Variants in LPP observed in about 807,000 individuals in gnomAD.
LPP encodes the protein lipoma-preferred partner.
LPP carries 38 observed loss-of-function variants against 60.4 expected under a neutral mutation model. The ratio of observed to expected loss-of-function variants is 0.63; its 90% CI spans 0.49 to 0.83. The LOEUF (loss-of-function observed/expected upper bound fraction) is 0.83. Among genes scored for constraint, LPP ranks in the 40% least tolerant of loss-of-function variants. The pLI is 0.00. For synonymous variants in LPP, 328 were observed against 290.8 expected, an observed-to-expected ratio of 1.13 and a Z score of -1.30; for missense variants, 902 against 783.6, an observed-to-expected ratio of 1.15 and a Z score of -1.80.
At chr3:188,241,983 G>A (rs1398325341) in intron 2 of LPP, among the ~76,000 whole-genome samples, 4 of 152,124 alleles carry the variant, frequency 2.6e-5, no homozygotes, top group African/African-American at 9.7e-5. Flanking sequence ...TGATTCTGAC[G>A]CTGTATGTCC....
chr3:188,860,581 G>T (rs1015554784), intron 9 of LPP, among the ~76,000 whole-genome samples: 3 of 151,950 alleles, frequency 2.0e-5, no homozygotes, highest in African/African-American at 7.3e-5. Context: ...GAAACACACT[G>T]TGTGTTAACC....
At chr3:188,483,752 C>T (rs148517706) in intron 4 of LPP, among the ~76,000 whole-genome samples, 616 of 152,186 alleles carry the variant, frequency 4.0e-3, no homozygotes, top group Non-Finnish European at 7.0e-3. Context: ...TACTTCTTGC[C>T]TGGATTATGT....
chr3:188,356,236 A>C (rs994932455), intron 3 of LPP, among the ~76,000 whole-genome samples: 1 of 152,230 alleles, frequency 6.6e-6, no homozygotes, highest in Non-Finnish European at 1.5e-5. Flanking sequence ...GCAGAGTCTT[A>C]GAACATAAAT....
At chr3:188,864,730 T>C (rs73888957) in intron 9 of LPP, among the ~76,000 whole-genome samples, 2,156 of 152,306 alleles carry the variant, frequency 0.014, 47 homozygotes, top group African/African-American at 0.048. Context: ...GAGTGAGTGG[T>C]CTGAGATGTT....
At chr3:188,407,516 C>T (rs763508903) in intron 4 of LPP, among the ~76,000 whole-genome samples, 3 of 152,180 alleles carry the variant, frequency 2.0e-5, no homozygotes, top group African/African-American at 4.8e-5. Flanking sequence ...AGTACAAGAA[C>T]GAGACCCTCA....
chr3:188,624,639 T>A (rs1487564800), intron 7 of LPP, among the ~76,000 whole-genome samples: 1 of 152,144 alleles, frequency 6.6e-6, no homozygotes, highest in Non-Finnish European at 1.5e-5. Flanking sequence ...TACCAGACTA[T>A]TAATAGGGAG....
intron 3 of LPP, among the ~76,000 whole-genome samples, chr3:188,397,065 G>A (rs113916450): frequency 0.036 from 5,435 of 152,266 alleles, 317 homozygotes; most frequent in African/African-American, 0.13. Context: ...CAGTGCCATG[G>A]TTGCGAACTT....
intron 3 of LPP, among the ~76,000 whole-genome samples, chr3:188,343,498 G>C (rs143430947): frequency 5.0e-4 from 76 of 152,306 alleles, no homozygotes; most frequent in Admixed American, 3.9e-3. Context: ...GTGAGGCAGA[G>C]ATCTAACTTG....
intron 1 of LPP, among the ~76,000 whole-genome samples, chr3:188,222,977 C>T (rs971124947): frequency 2.6e-5 from 4 of 152,116 alleles, no homozygotes; most frequent in African/African-American, 9.7e-5. Context: ...CTTCTTCTGC[C>T]ATTTATGGGC....
At chr3:188,600,767 C>G (rs1229791318) in intron 6 of LPP, among the ~76,000 whole-genome samples, 2 of 152,090 alleles carry the variant, frequency 1.3e-5, no homozygotes, top group African/African-American at 2.4e-5. Context: ...ATAAATTTGA[C>G]TCTTCTAGGG....
chr3:188,835,277 G>A (rs1758131279), intron 9 of LPP, among the ~76,000 whole-genome samples: 2 of 146,966 alleles, frequency 1.4e-5, no homozygotes, highest in South Asian at 2.2e-4. Flanking sequence ...AGCCAATATG[G>A]TGAAAACTGT....
intron 8 of LPP, among the ~76,000 whole-genome samples, chr3:188,744,738 A>G (rs2150224208): frequency 6.6e-6 from 1 of 152,286 alleles, no homozygotes; most frequent in African/African-American, 2.4e-5. Context: ...CCTCTACATT[A>G]TAGCTAGAGA....
intron 2 of LPP, among the ~76,000 whole-genome samples, chr3:188,305,969 A>G (rs1238050700): frequency 6.6e-6 from 1 of 152,224 alleles, no homozygotes; most frequent in Non-Finnish European, 1.5e-5. Flanking sequence ...GAAGTCAGAC[A>G]GTTCTGTTTC....
chr3:188,622,207 C>T (rs940340297), intron 7 of LPP, among the ~76,000 whole-genome samples: 3 of 152,130 alleles, frequency 2.0e-5, no homozygotes, highest in African/African-American at 7.2e-5. Flanking sequence ...ACCAGTGTCA[C>T]TCATCTTAAC....
chr3:188,456,828 C>G (rs745747992), intron 4 of LPP, among the ~76,000 whole-genome samples: 9 of 152,134 alleles, frequency 5.9e-5, no homozygotes, highest in Admixed American at 3.3e-4. Context: ...GGATAATAGT[C>G]TATAATTACT....
chr3:188,166,871 G>A (rs1431142269), intron 1 of LPP, among the ~76,000 whole-genome samples: 1 of 152,168 alleles, frequency 6.6e-6, no homozygotes, highest in Non-Finnish European at 1.5e-5. Flanking sequence ...GATGACTTGA[G>A]TTTTAAGAAT....
chr3:188,163,787 C>CAA (rs10663486), intron 1 of LPP, among the ~76,000 whole-genome samples: 3,362 of 137,542 alleles, frequency 0.024, 50 homozygotes, highest in Middle Eastern at 0.051. Flanking sequence ...ACTAAATATA[C>CAA]AAAAAAAAAA....
intron 4 of LPP, among the ~76,000 whole-genome samples, chr3:188,436,678 T>C (rs911005405): frequency 6.6e-6 from 1 of 152,180 alleles, no homozygotes; most frequent in African/African-American, 2.4e-5. Flanking sequence ...ATTTTAAAAA[T>C]AGAAAACCAA....
chr3:188,491,716 A>T (rs1181888247), intron 5 of LPP, among the ~76,000 whole-genome samples: 1 of 152,196 alleles, frequency 6.6e-6, no homozygotes, highest in Non-Finnish European at 1.5e-5. Flanking sequence ...TCTAGAAGCG[A>T]ATGTCACAGT....
Sources: allele counts gnomAD v4.1 joint callset (sites outside exome capture counted in the v4.1 genomes callset), GRCh38; gene constraint gnomAD v4.1.1; transcripts MANE v1.5; gene names NCBI Gene and HGNC (gene_info 2026-07-23, HGNC 2026-07-21).